COPG2: variants seen among roughly 807,000 people sequenced by gnomAD.
The protein encoded by COPG2 is coat protein complex I subunit gamma 2, also known as coatomer subunit gamma-2.
Under a neutral mutation model 46.3 loss-of-function variants are expected in COPG2, and 37 were observed. The ratio of observed to expected loss-of-function variants is 0.80; its 90% CI spans 0.61 to 1.05. COPG2 has a LOEUF of 1.05. Among genes scored for constraint, COPG2 ranks in the 50% least tolerant of loss-of-function variants. COPG2 has a pLI of 0.00. For missense variants in COPG2, 427 were observed against 387.8 expected, an observed-to-expected ratio of 1.10 and a Z score of -0.85; for synonymous variants, 159 against 129.7, an observed-to-expected ratio of 1.23 and a Z score of -1.53.
intron 20 of COPG2, among the ~76,000 whole-genome samples, chr7:130,516,411 G>A (rs1283811728): frequency 6.6e-6 from 1 of 152,172 alleles, no homozygotes; most frequent in Admixed American, 6.5e-5. Context: ...GCTATACAGG[G>A]GAAGCCTCCA....
intron 20 of COPG2, among the ~76,000 whole-genome samples, chr7:130,525,154 T>A (rs1481005325): frequency 2.0e-5 from 3 of 151,640 alleles, no homozygotes; most frequent in African/African-American, 7.3e-5. Flanking sequence ...GTCACGTAAG[T>A]GAATAGGAAA....
chr7:130,539,751 G>C (rs983033576), intron 20 of COPG2, among the ~76,000 whole-genome samples: 5 of 152,168 alleles, frequency 3.3e-5, no homozygotes, highest in Non-Finnish European at 4.4e-5. Flanking sequence ...GGGGCCCCCA[G>C]GGAAGGATGG....
At chr7:130,663,496 C>G (rs1216679893) in intron 3 of COPG2, among the ~76,000 whole-genome samples, 1 of 151,968 alleles carries the variant, frequency 6.6e-6, no homozygotes, top group Non-Finnish European at 1.5e-5. Context: ...AGAATCTCAG[C>G]AAAATGGCAA....
chr7:130,569,916 A>C (rs1432303700), intron 9 of COPG2, among the ~76,000 whole-genome samples: 1 of 152,208 alleles, frequency 6.6e-6, no homozygotes, highest in Non-Finnish European at 1.5e-5. Context: ...CAAGTCAATA[A>C]ATGTGATACA....
chr7:130,507,986 G>A, intron 21 of COPG2, 163 bp from the exon 22 acceptor site: 1 of 581,910 alleles, frequency 1.7e-6, no homozygotes, highest in Non-Finnish European at 3.1e-6. Context: ...CCTTAGCAAA[G>A]GAAAGCAAGA....
At chr7:130,589,446 G>T (rs567083701) in intron 9 of COPG2, among the ~76,000 whole-genome samples, 19 of 151,858 alleles carry the variant, frequency 1.3e-4, no homozygotes, top group Non-Finnish European at 2.4e-4. Context: ...ACCACACCTG[G>T]CTAACTTAAA....
intron 12 of COPG2, 109 bp downstream of exon 12, chr7:130,560,924 A>G (rs1793709062): frequency 7.6e-6 from 3 of 397,126 alleles, no homozygotes; most frequent in Non-Finnish European, 1.3e-5. Flanking sequence ...AAATTGATAA[A>G]TTAGACTTCA....
intron 9 of COPG2, among the ~76,000 whole-genome samples, chr7:130,586,046 G>A (rs574571698): frequency 6.6e-6 from 1 of 152,106 alleles, no homozygotes; most frequent in East Asian, 1.9e-4. Flanking sequence ...ATTTGCAACT[G>A]CAAAATCATG....
chr7:130,592,383 C>A (rs1308451897), intron 9 of COPG2, among the ~76,000 whole-genome samples: 1 of 146,432 alleles, frequency 6.8e-6, no homozygotes, highest in African/African-American at 2.6e-5. Flanking sequence ...GCGAGAAACA[C>A]CCAAGAATGA....
Position 130,552,322 on chromosome 7 carries a change from A to AT in COPG2, c.1544+32dup, listed in dbSNP as rs1218230886. ...CACTGTTTAACCATATAGAATTCTT[A>AT]TTTTTTTTTAGAAAAGACATTATTT... On this transcript the variant is annotated intron_variant, in intron 15 of 23. Coordinates refer to ENST00000425248, the MANE Select transcript of COPG2 (RefSeq NM_012133.6). 2,078 of 391,014 alleles carry AT rather than the reference A, an allele frequency of 5.3e-3. 34 individuals carry two copies. The highest frequency in any genetic ancestry group is 0.039 in the African/African-American group (1,862 of 48,310). The allele number at this position is 391,014 out of a possible 1,614,324, so 24.2% of individuals were successfully genotyped here.
At chr7:130,630,706 T>G (rs782131512) in intron 5 of COPG2, among the ~76,000 whole-genome samples, 2 of 152,218 alleles carry the variant, frequency 1.3e-5, no homozygotes, top group African/African-American at 4.8e-5. Context: ...AGCTGACCCC[T>G]TTATCCCTAG....
chr7:130,521,689 A>G (rs1799725246), intron 20 of COPG2, among the ~76,000 whole-genome samples: 1 of 152,256 alleles, frequency 6.6e-6, no homozygotes, highest in African/African-American at 2.4e-5. Context: ...CACTAAATAA[A>G]AAGAGCACTG....
In COPG2 at chr7:130,631,274, T is replaced by G. The variant is rs532944533; in HGVS notation, c.324-14209A>C. 3.9e-4 allele frequency among the ~76,000 whole-genome samples: 58 copies of G among 150,168 alleles called. No homozygotes were observed. In the South Asian group the frequency reaches 0.011, roughly 29 times the overall value. On this transcript the variant is annotated intron_variant, in intron 5 of 23. Coordinates refer to ENST00000425248, the MANE Select transcript of COPG2 (RefSeq NM_012133.6). ...GCAACCTCCGCCTCCCAGGTTCAAA[T>G]GATTCTCCGAGTAACTGGGATTACA...
rs577838739 is a variant in COPG2, at chr7:130,624,171, A to T, written c.324-7106T>A. On this transcript the variant is annotated intron_variant, in intron 5 of 23. Transcript: ENST00000425248. ...CCAATCCCAAGGGCTCCATCCTCAT[A>T]ATCTAATCACCCCCAAAGGCCTCAC... is the stretch of plus-strand genomic sequence containing the variant. 5.6e-4 allele frequency among the ~76,000 whole-genome samples: 85 copies of T among 151,860 alleles called. 1 individual carries two copies. In the South Asian group the frequency reaches 0.011, roughly 20 times the overall value.
chr7:130,556,645 A>G (rs1389493372), intron 12 of COPG2, among the ~76,000 whole-genome samples: 2 of 152,220 alleles, frequency 1.3e-5, no homozygotes, highest in Non-Finnish European at 2.9e-5. Flanking sequence ...TCTAAGAAAT[A>G]TATTAGTTAA....
intron 20 of COPG2, among the ~76,000 whole-genome samples, chr7:130,535,429 G>A (rs1168734276): frequency 4.0e-5 from 6 of 151,878 alleles, no homozygotes; most frequent in South Asian, 2.1e-4. Context: ...CAGGTGAAGC[G>A]AGGTGAAGGG....
intron 6 of COPG2, among the ~76,000 whole-genome samples, chr7:130,614,194 T>C (rs1405219940): frequency 2.0e-5 from 3 of 152,042 alleles, no homozygotes; most frequent in Admixed American, 1.3e-4. Flanking sequence ...ACTGGGAAGG[T>C]GGTGGCAGAT....
At chr7:130,596,491 T>C (rs968526774) in intron 9 of COPG2, among the ~76,000 whole-genome samples, 1 of 152,164 alleles carries the variant, frequency 6.6e-6, no homozygotes, top group African/African-American at 2.4e-5. Context: ...GCTTGCTGCT[T>C]TCAAACTAGG....
At chr7:130,601,519 CG>C (rs1220989912) in intron 9 of COPG2, among the ~76,000 whole-genome samples, 4 of 152,160 alleles carry the variant, frequency 2.6e-5, no homozygotes, top group Non-Finnish European at 2.9e-5. Flanking sequence ...TGCAGGGACA[CG>C]GATGAAACTG....
Sources: gnomAD v4.1 joint callset for allele counts (sites outside exome capture counted in the v4.1 genomes callset) on GRCh38, gnomAD v4.1.1 for gene constraint, MANE v1.5 for transcripts, NCBI Gene and HGNC (gene_info 2026-07-23, HGNC 2026-07-21) for gene names.